The following MYRF variants were observed in gnomAD, a reference collection of about 807,000 sequenced individuals.
The protein encoded by MYRF is myelin gene regulatory factor.
Under a neutral mutation model 126.3 loss-of-function variants are expected in MYRF, and 16 were observed. The observed-to-expected ratio is 0.13, with a 90% confidence interval of 0.09 to 0.19. The LOEUF is 0.19. Among genes scored for constraint, MYRF ranks in the 10% least tolerant of loss-of-function variants. The probability of loss-of-function intolerance (pLI) is 1.00; values close to 1 mark genes in which losing one functional copy is unlikely to be tolerated. For missense variants in MYRF, 1,104 were observed against 1,547.0 expected, an observed-to-expected ratio of 0.71 and a Z score of 4.80; for synonymous variants, 608 against 635.3, an observed-to-expected ratio of 0.96 and a Z score of 0.65.
rs369744752 is a variant in MYRF, at chr11:61,773,881, G to T, written c.1116-86G>T. 58 of 1,187,322 alleles carry T rather than the reference G, an allele frequency of 4.9e-5. No homozygotes were observed. In the Admixed American group the frequency reaches 1.2e-3, roughly 24 times the overall value. 73.5% of individuals were successfully genotyped at this position (1,187,322 alleles called of 1,614,324 possible). On this transcript the variant is annotated intron_variant, in intron 7 of 26. Coordinates refer to ENST00000278836, the MANE Select transcript of MYRF (RefSeq NM_001127392.3). ...GATGCAGGGGTGTGGTGTGGGAAAT[G>T]GTTTTGGAACCCAGCAGGTAGGAGG...
In MYRF at chr11:61,779,310, G is replaced by A. The variant is rs1190927154; in HGVS notation, c.2061G>A (p.Lys687=). The A allele has an allele frequency of 3.9e-6, 6 of 1,549,776 alleles. No homozygotes were observed. The highest frequency in any genetic ancestry group is 3.9e-5 in the Admixed American group (2 of 50,978). The part of the protein sequence containing the change: ...ENVGAVKELC[K]LTDNLETRID... Reference sequence around the variant, plus strand: ...TAGGGGCCGTGAAGGAGCTGTGCAAGCTGACAGACAACCTGGAGACGCGCA... The same window carrying A: ...TAGGGGCCGTGAAGGAGCTGTGCAAACTGACAGACAACCTGGAGACGCGCA... Residue 687 remains lysine, a synonymous_variant, in exon 15 of 27, where the codon AAG becomes AAA. Coordinates refer to ENST00000278836, the MANE Select transcript of MYRF (RefSeq NM_001127392.3).
chr11:61,780,654 G>GTCTTC, intron 18 of MYRF, 58 bp from the exon 19 acceptor site: 3 of 1,504,628 alleles, frequency 2.0e-6, no homozygotes, highest in Non-Finnish European at 2.7e-6. Context: ...CTCTGACTGT[G>GTCTTC]TCTTCTCTTC....
In MYRF at chr11:61,784,288, C is replaced by A; in HGVS notation, c.3203C>A (p.Ser1068Tyr). ...LSLTLQMNSS[S>Y]PVSVVLCSLR... ...ACTGGGCCTGTCTACAGCTCCTCCT[C>A]CCCCGTGTCTGTGGTGCTGTGCAGC... The change falls in exon 25 of 27, where the codon TCC becomes TAC. Residue 1068 changes from serine to tyrosine, a missense_variant. Around this residue, in one of 10 missense-constraint regions of MYRF, gnomAD observed 94 missense variants for 164.6 expected, o/e 0.57. Coordinates refer to ENST00000278836, the MANE Select transcript of MYRF (RefSeq NM_001127392.3). 6.2e-7 allele frequency: 1 copy of A among 1,613,776 alleles called. No individual in the cohort carries two copies. Among genetic ancestry groups the A allele is most frequent in the Non-Finnish European group, 8.5e-7 (1 of 1,179,900 alleles).
Position 61,774,172 on chromosome 11 carries a change from G to A in MYRF, c.1311+10G>A, listed in dbSNP as rs763208403. 3 of 1,591,432 alleles carry A rather than the reference G, an allele frequency of 1.9e-6. No individual in the cohort carries two copies. Among genetic ancestry groups the A allele is most frequent in the Non-Finnish European group, 2.6e-6 (3 of 1,164,354 alleles). On this transcript the variant is annotated intron_variant, in intron 8 of 26. Coordinates refer to ENST00000278836, the MANE Select transcript of MYRF (RefSeq NM_001127392.3). Reference sequence around the variant, plus strand: ...GCTGCACGGAGTGAAGGCAAGTTTGGGGCTCAGCAAGGAAGGGAGGGCAGG... The same window carrying A: ...GCTGCACGGAGTGAAGGCAAGTTTGAGGCTCAGCAAGGAAGGGAGGGCAGG...
intron 5 of MYRF, 66 bp downstream of exon 5, chr11:61,770,591 C>G: frequency 2.2e-6 from 3 of 1,385,904 alleles, no homozygotes; most frequent in Non-Finnish European, 2.9e-6. Flanking sequence ...GTGGGCAGGG[C>G]GGCGGGCAGG....
intron 25 of MYRF, chr11:61,784,662 T>C: frequency 5.3e-6 from 2 of 378,516 alleles, no homozygotes; most frequent in Non-Finnish European, 9.7e-6. Context: ...AGTGCAATGA[T>C]GGAAACAGGC....
chr11:61,754,356 A>T (rs764813872), intron 1 of MYRF: 1 of 152,498 alleles, frequency 6.6e-6, no homozygotes, highest in Non-Finnish European at 1.5e-5. Context: ...TGAGGGTCTT[A>T]GGCAGCCCTG....
At chr11:61,782,621 A>C (rs796915643) in intron 22 of MYRF, 34 of 152,436 alleles carry the variant, frequency 2.2e-4, no homozygotes, top group African/African-American at 8.2e-4. Context: ...CTGAGGGGAC[A>C]TGCAGGTAGC....
intron 3 of MYRF, chr11:61,766,722 T>G: frequency 3.7e-6 from 1 of 273,878 alleles, no homozygotes; most frequent in Non-Finnish European, 7.2e-6. Flanking sequence ...TTCTGAGGAG[T>G]CCACACCAAG....
intron 25 of MYRF, 167 bp downstream of exon 25, chr11:61,784,552 G>A (rs1393636245): frequency 8.2e-6 from 5 of 609,236 alleles, no homozygotes; most frequent in South Asian, 2.0e-5. Flanking sequence ...GGAGGGGCAC[G>A]CGTGCCCGTG....
In MYRF at chr11:61,783,417, G is replaced by A; in HGVS notation, c.3017-81G>A. 1 of 1,087,246 alleles carries A rather than the reference G, an allele frequency of 9.2e-7. No individual in the cohort carries two copies. The highest frequency in any genetic ancestry group is 1.4e-6 in the Non-Finnish European group (1 of 717,052). The allele number at this position is 1,087,246 out of a possible 1,614,324, so 67.3% of individuals were successfully genotyped here. On this transcript the variant is annotated intron_variant, in intron 22 of 26. Transcript: ENST00000278836. The surrounding 1 kb of genome is among the most constrained non-coding windows in gnomAD (Gnocchi z 4.6). ...AACTTATTCATACTAAGGTGTGAGT[G>A]ACTGCTTCAAGTCTGGCAAGGAAAG...
At chr11:61,784,551 C>T (rs894768776) in intron 25 of MYRF, 166 bp downstream of exon 25, 5 of 610,508 alleles carry the variant, frequency 8.2e-6, no homozygotes, top group Admixed American at 5.9e-5. Context: ...GGGAGGGGCA[C>T]GCGTGCCCGT....
At chr11:61,780,187 C>G (rs768074890) in intron 17 of MYRF, 35 bp from the exon 18 acceptor site, 1 of 1,611,028 alleles carries the variant, frequency 6.2e-7, no homozygotes, top group South Asian at 1.1e-5. Context: ...GATGGTGGCT[C>G]CAGCTCTAAC....
In MYRF at chr11:61,757,507, C is replaced by T; in HGVS notation, c.46+4717C>T. 1 of 456,526 alleles carries T rather than the reference C, an allele frequency of 2.2e-6. No individual in the cohort carries two copies. Among genetic ancestry groups the T allele is most frequent in the Non-Finnish European group, 4.4e-6 (1 of 226,908 alleles). The allele number at this position is 456,526 out of a possible 1,614,324, so 28.3% of individuals were successfully genotyped here. A position where few individuals can be genotyped will look rare whatever the true frequency, so the allele number is the denominator to read the frequency against. ...GCCCTACCTTGAAGATTACTGGTCC[C>T]CAGGGTAGGTCAGTGCCCCTAAGCT... On this transcript the variant is annotated intron_variant, in intron 1 of 26. Transcript: ENST00000278836. This position sits in a 1 kb window ranked among gnomAD's most constrained non-coding sequence, Gnocchi z 4.7.
intron 3 of MYRF, chr11:61,766,557 T>G: frequency 6.2e-6 from 2 of 321,800 alleles, no homozygotes; most frequent in East Asian, 5.7e-5. Flanking sequence ...AACACCTGCA[T>G]ACCCGTGCAC....
At chr11:61,754,609 G>A (rs1405509924) in intron 1 of MYRF, among the ~76,000 whole-genome samples, 1 of 152,190 alleles carries the variant, frequency 6.6e-6, no homozygotes, top group East Asian at 1.9e-4. Flanking sequence ...GGTGGGCCTG[G>A]CTGGCCTGGA....
chr11:61,755,766 T>G, intron 1 of MYRF: 2 of 575,446 alleles, frequency 3.5e-6, no homozygotes, highest in Admixed American at 2.2e-5. Context: ...CCCTAGATTC[T>G]AGGGGCACAT....
Position 61,783,675 on chromosome 11 carries a change from A to G in MYRF, c.3119+75A>G. The G allele has an allele frequency of 6.8e-7, 1 of 1,465,420 alleles. No individual in the cohort carries two copies. Among genetic ancestry groups the G allele is most frequent in the East Asian group, 2.3e-5 (1 of 43,786 alleles). The allele number at this position is 1,465,420 out of a possible 1,614,324, so 90.8% of individuals were successfully genotyped here. On this transcript the variant is annotated intron_variant, in intron 23 of 26. Coordinates refer to ENST00000278836, the MANE Select transcript of MYRF (RefSeq NM_001127392.3). This position sits in a 1 kb window ranked among gnomAD's most constrained non-coding sequence, Gnocchi z 4.6. ...GCCCAGGTGGTACAGATCACCCGGA[A>G]CTTGCCCTTTCAGGGAGGAGCCTCC...
intron 1 of MYRF, chr11:61,756,969 G>T (rs1415341145): frequency 1.4e-5 from 5 of 362,488 alleles, no homozygotes; most frequent in Non-Finnish European, 1.1e-5. Context: ...CAGCAGAGCT[G>T]CTCATTGGCT....
Sources: allele counts gnomAD v4.1 joint callset (sites outside exome capture counted in the v4.1 genomes callset), GRCh38; gene constraint gnomAD v4.1.1; regional missense constraint gnomAD v4.1.1; non-coding constraint Gnocchi (gnomAD v3.1); transcripts MANE v1.5; gene names NCBI Gene and HGNC (gene_info 2026-07-23, HGNC 2026-07-21).